The following PABPC1L variants were observed in gnomAD, a reference collection of about 807,000 sequenced individuals.
The protein encoded by PABPC1L is poly(A) binding protein cytoplasmic 1 like.
Under a neutral mutation model 66.6 loss-of-function variants are expected in PABPC1L, and 31 were observed. The observed-to-expected ratio is 0.47, with a 90% CI of 0.35 to 0.63. PABPC1L has a LOEUF of 0.63. Among genes scored for constraint, PABPC1L ranks in the 20% least tolerant of loss-of-function variants. The pLI is 0.00. For missense variants in PABPC1L, 722 were observed against 848.8 expected, an observed-to-expected ratio of 0.85 and a Z score of 1.86; for synonymous variants, 348 against 335.1, an observed-to-expected ratio of 1.04 and a Z score of -0.42.
chr20:44,933,326 T>G, intron 10 of PABPC1L, 141 bp downstream of exon 10: 1 of 671,212 alleles, frequency 1.5e-6, no homozygotes, highest in East Asian at 2.7e-5. Context: ...GTAGTTAGCT[T>G]GGCCTCCAGT....
rs2066913379 is a variant in PABPC1L, at chr20:44,937,867, G to A, written c.1661-194G>A. On this transcript the variant is annotated intron_variant, in intron 12 of 14. Transcript: ENST00000217073. ...GGGCCCTGGACACATTGCTGAGATG[G>A]GCTGACCACCAATACCAGGCCCAGT... 45 of 720,324 alleles carry A rather than the reference G, an allele frequency of 6.2e-5. No homozygotes were observed. The South Asian group carries it at 9.9e-4, about 16-fold the overall frequency. 44.6% of individuals were successfully genotyped at this position (720,324 alleles called of 1,614,324 possible).
In PABPC1L at chr20:44,926,381, C is replaced by A. The variant is rs987457775; in HGVS notation, c.972+2125C>A. On this transcript the variant is annotated intron_variant, in intron 7 of 14. Coordinates refer to ENST00000217073, the MANE Select transcript of PABPC1L (RefSeq NM_001372179.1). ...AGCTGGGATTACAGGCACCTGCCACCATGCCCAGCTAATTTTTGTATTTTT... is the reference window on the plus strand; with the variant it reads ...AGCTGGGATTACAGGCACCTGCCACAATGCCCAGCTAATTTTTGTATTTTT... Among the ~76,000 whole-genome samples the A allele has an allele frequency of 1.3e-4, 19 of 151,864 alleles. 1 individual carries two copies. Among genetic ancestry groups the A allele is most frequent in the African/African-American group, 4.6e-4 (19 of 41,290 alleles).
intron 7 of PABPC1L, among the ~76,000 whole-genome samples, chr20:44,928,645 C>T (rs943012229): frequency 2.0e-5 from 3 of 151,878 alleles, no homozygotes; most frequent in African/African-American, 4.8e-5. Context: ...TGATTAAGAG[C>T]GTGGGCTCAC....
chr20:44,916,424 C>T (rs1282978118), intron 2 of PABPC1L, among the ~76,000 whole-genome samples: 1 of 152,176 alleles, frequency 6.6e-6, no homozygotes, highest in East Asian at 1.9e-4. Flanking sequence ...AGGCACCCAC[C>T]ACCACATCTG....
rs746706987 is a variant in PABPC1L at position 44,935,423 on chromosome 20, G to C, written c.1492G>C (p.Gly498Arg). The C allele has an allele frequency of 6.2e-7, 1 of 1,614,198 alleles. No homozygotes were observed. Among genetic ancestry groups the C allele is most frequent in the Non-Finnish European group, 8.5e-7 (1 of 1,180,022 alleles). ...NIGTQTTGPS[G>R]VGCCTPGRPL... is the part of the protein sequence containing the mutation. ...TGGTACTCAGACCACAGGACCCAGTGGGGTAGGATGCTGTACACCAGGCCG... is the reference window on the plus strand; with the variant it reads ...TGGTACTCAGACCACAGGACCCAGTCGGGTAGGATGCTGTACACCAGGCCG... Residue 498 changes from glycine (G) to arginine (R), a missense_variant, in exon 11 of 15, where the codon GGG (glycine) becomes CGG (arginine). Physicochemically the swap from Gly to Arg is moderately radical, Grantham distance 125. Around this residue, in one of 3 missense-constraint regions of PABPC1L, gnomAD observed 301 missense variants for 337.2 expected, o/e 0.89. Transcript: ENST00000217073.
At chr20:44,930,320 G>T (rs2066841934) in intron 7 of PABPC1L, 140 bp from the exon 8 acceptor site, 4 of 1,175,394 alleles carry the variant, frequency 3.4e-6, no homozygotes, top group Admixed American at 2.3e-5. Flanking sequence ...GTAAACAGGG[G>T]TGCACGCTAC....
intron 1 of PABPC1L, among the ~76,000 whole-genome samples, chr20:44,911,211 CCCA>C (rs2145550759): frequency 6.6e-6 from 1 of 152,078 alleles, no homozygotes; most frequent in African/African-American, 2.4e-5. Context: ...CGCCTGTAAT[CCCA>C]GCATCTTAGG....
rs2066873715 is a variant in PABPC1L, at chr20:44,933,062, T to A, written c.1336T>A (p.Tyr446Asn). The change falls in exon 10 of 15, where the codon TAC becomes AAC. Residue 446 changes from tyrosine (Y) to asparagine (N), a missense_variant. By Grantham distance (143) the Tyr-to-Asn change is moderately radical. Around this residue, in one of 3 missense-constraint regions of PABPC1L, gnomAD observed 301 missense variants for 337.2 expected, o/e 0.89. Coordinates refer to ENST00000217073, the MANE Select transcript of PABPC1L (RefSeq NM_001372179.1). ...TGTGGTGTCTGCACCACAAGCTGCC[T>A]ACCCTCCAGGTGCCTCAATGGTCCG... Reference protein sequence around the residue: ...TSQPPRPSSAYPPGASMVRPP... With the variant: ...TSQPPRPSSANPPGASMVRPP... The A allele has an allele frequency of 1.3e-6, 2 of 1,579,780 alleles. No individual in the cohort carries two copies. Among genetic ancestry groups the A allele is most frequent in the African/African-American group, 2.7e-5 (2 of 74,484 alleles).
intron 12 of PABPC1L, chr20:44,937,024 G>T: frequency 1.8e-6 from 1 of 541,470 alleles, no homozygotes; most frequent in Non-Finnish European, 3.7e-6. Flanking sequence ...AAAGGGAGGA[G>T]TAGGGGTATG....
chr20:44,918,835 A>G (rs2145560145), intron 3 of PABPC1L, 71 bp from the exon 4 acceptor site: 3 of 1,509,082 alleles, frequency 2.0e-6, no homozygotes, highest in Non-Finnish European at 2.7e-6. Flanking sequence ...GCAGTTGAGC[A>G]GGAGTTGGCA....
At chr20:44,932,280 G>A (rs1601122946) in intron 8 of PABPC1L, 62 bp from the exon 9 acceptor site, 2 of 1,347,412 alleles carry the variant, frequency 1.5e-6, no homozygotes, top group Non-Finnish European at 2.1e-6. Context: ...CCCTGAGGAG[G>A]TGTAGCTTCT....
rs779250553 is a variant in PABPC1L at position 44,924,301 on chromosome 20, C to T, written c.972+45C>T. 1.0e-5 allele frequency: 15 copies of T among 1,429,112 alleles called. No homozygotes were observed. In the Admixed American group the frequency reaches 1.7e-4, roughly 16 times the overall value. 88.5% of individuals were successfully genotyped at this position (1,429,112 alleles called of 1,614,324 possible). A position where few individuals can be genotyped will look rare whatever the true frequency, so the allele number is the denominator to read the frequency against. ...CCGGGGGACAGCGTTCCCCTCCATCCTCTCACCACCATCCCCCCACAACCC... is the reference window on the plus strand; with the variant it reads ...CCGGGGGACAGCGTTCCCCTCCATCTTCTCACCACCATCCCCCCACAACCC... On this transcript the variant is annotated intron_variant, in intron 7 of 14. Transcript: ENST00000217073.
At chr20:44,926,929 G>A (rs1430850216) in intron 7 of PABPC1L, among the ~76,000 whole-genome samples, 2 of 151,982 alleles carry the variant, frequency 1.3e-5, no homozygotes, top group Non-Finnish European at 2.9e-5. Context: ...AGGCTGGAGG[G>A]CCATGATGTG....
At chr20:44,928,021 T>C (rs1247008661) in intron 7 of PABPC1L, among the ~76,000 whole-genome samples, 8 of 152,086 alleles carry the variant, frequency 5.3e-5, no homozygotes, top group African/African-American at 1.9e-4. Context: ...TGAAAAAATA[T>C]AATGGTCAAA....
At chr20:44,932,460 A>G (rs1340437288) in intron 9 of PABPC1L, 28 bp downstream of exon 9, 3 of 1,585,488 alleles carry the variant, frequency 1.9e-6, no homozygotes, top group Non-Finnish European at 2.6e-6. Flanking sequence ...TTCCACTCTC[A>G]GACTGGCCTA....
intron 7 of PABPC1L, among the ~76,000 whole-genome samples, chr20:44,928,864 CAAAAAAA>C (rs10597679): frequency 1.8e-4 from 10 of 54,342 alleles, no homozygotes; most frequent in South Asian, 1.7e-3. Flanking sequence ...GATCCTGACT[CAAAAAAA>C]AAAAAAAAAA....
rs757926087 is a variant in PABPC1L at position 44,930,669 on chromosome 20, C to T, written c.1182C>T (p.Asn394=). ...QRLSTMRTLS[N]PLLGSFQQPS... ...TCTCCACCATGCGGACCCTGAGCAA[C>T]CCCCTCCTGGGCTCCTTTCAGCAGC... Residue 394 remains asparagine (N), a synonymous_variant, in exon 8 of 15, where the codon AAC becomes AAT. Transcript: ENST00000217073. 9.3e-6 allele frequency: 15 copies of T among 1,614,186 alleles called. No homozygotes were observed. The highest frequency in any genetic ancestry group is 1.3e-5 in the Non-Finnish European group (15 of 1,180,036).
chr20:44,925,349 A>G (rs2066802634), intron 7 of PABPC1L, among the ~76,000 whole-genome samples: 1 of 152,198 alleles, frequency 6.6e-6, no homozygotes. Flanking sequence ...CTTGCTTTCA[A>G]GTAGCTTATA....
chr20:44,936,231 C>G (rs1288858291), intron 11 of PABPC1L, among the ~76,000 whole-genome samples: 2 of 152,112 alleles, frequency 1.3e-5, no homozygotes, highest in Non-Finnish European at 2.9e-5. Flanking sequence ...TTCCAAAGTT[C>G]TAGGATTATA....
Sources: gnomAD v4.1 joint callset for allele counts (sites outside exome capture counted in the v4.1 genomes callset) on GRCh38, gnomAD v4.1.1 for gene constraint, gnomAD v4.1.1 regional missense constraint, MANE v1.5 for transcripts, NCBI Gene and HGNC (gene_info 2026-07-23, HGNC 2026-07-21) for gene names.